The following PTPRJ variants were observed in gnomAD, a reference collection of about 807,000 sequenced individuals.
PTPRJ encodes the protein receptor-type tyrosine-protein phosphatase eta.
Under a neutral mutation model 141.3 loss-of-function variants are expected in PTPRJ, and 129 were observed. The ratio of observed to expected loss-of-function variants is 0.91; its 90% confidence interval spans 0.79 to 1.06. The LOEUF (loss-of-function observed/expected upper bound fraction) is 1.06. Ranked by LOEUF, PTPRJ falls within the 50% of genes least tolerant of loss-of-function variation. PTPRJ has a pLI of 0.00. For missense variants in PTPRJ, 1,601 were observed against 1,679.7 expected (o/e 0.95, Z 0.82); for synonymous variants, 610 against 640.5 (o/e 0.95, Z 0.72).
At chr11:48,165,742 C>A (rs919929793) in intron 24 of PTPRJ, among the ~76,000 whole-genome samples, 1 of 152,100 alleles carries the variant, frequency 6.6e-6, no homozygotes, top group Non-Finnish European at 1.5e-5. Flanking sequence ...ATTTCTCAAT[C>A]TTTTATCCTT....
intron 1 of PTPRJ, among the ~76,000 whole-genome samples, chr11:48,027,645 A>G (rs887415069): frequency 6.6e-6 from 1 of 151,882 alleles, no homozygotes; most frequent in South Asian, 2.1e-4. Flanking sequence ...ACAAAAAATT[A>G]GCTGGGCATG....
intron 22 of PTPRJ, 31 bp downstream of exon 22, chr11:48,160,080 A>G (rs752016817): frequency 6.2e-6 from 10 of 1,607,232 alleles, no homozygotes; most frequent in African/African-American, 1.3e-5. Context: ...AGTTGAGCTC[A>G]TGTAATTACC....
intron 1 of PTPRJ, among the ~76,000 whole-genome samples, chr11:47,985,307 C>T (rs541688760): frequency 9.9e-5 from 15 of 151,862 alleles, no homozygotes; most frequent in Non-Finnish European, 1.8e-4. Flanking sequence ...GCTACCATTC[C>T]TGGCTAATTT....
intron 6 of PTPRJ, among the ~76,000 whole-genome samples, chr11:48,126,293 GCTCTTGGTGGTGTGA>G (rs1184675312): frequency 5.3e-4 from 80 of 152,162 alleles, no homozygotes; most frequent in African/African-American, 1.8e-3. Flanking sequence ...TACATCTCAG[GCTCTTGGTGGTGTGA>G]ATTCACACAC....
chr11:48,115,818 G>T (rs544617050), intron 3 of PTPRJ, among the ~76,000 whole-genome samples: 230 of 152,222 alleles, frequency 1.5e-3, no homozygotes, highest in Non-Finnish European at 2.7e-3. Flanking sequence ...AAGTGTAGAG[G>T]TCAATTTGTG....
intron 1 of PTPRJ, among the ~76,000 whole-genome samples, chr11:48,085,386 C>T (rs765090919): frequency 6.6e-6 from 1 of 151,950 alleles, no homozygotes; most frequent in Non-Finnish European, 1.5e-5. Flanking sequence ...ACCCAGCCAC[C>T]CAGGCTGGAG....
In PTPRJ at chr11:48,018,053, T is replaced by G. The variant is rs115783235; in HGVS notation, c.96+37045T>G. On this transcript the variant is annotated intron_variant, in intron 1 of 24. Transcript: ENST00000418331. ...ATTCATTTCTGATGATAAAAATACT[T>G]TATGCTTATTTATGTGAAACTTGGA... 6.1e-3 allele frequency among the ~76,000 whole-genome samples: 932 copies of G among 152,302 alleles called. 14 individuals carry two copies. Among genetic ancestry groups the G allele is most frequent in the African/African-American group, 0.021 (864 of 41,558 alleles).
chr11:47,985,465 G>C (rs1854025171), intron 1 of PTPRJ, among the ~76,000 whole-genome samples: 1 of 151,986 alleles, frequency 6.6e-6, no homozygotes, highest in Admixed American at 6.6e-5. Context: ...TTTTATCTGA[G>C]AGAAAACTGA....
At chr11:48,045,677 A>C (rs1027813734) in intron 1 of PTPRJ, among the ~76,000 whole-genome samples, 1 of 152,048 alleles carries the variant, frequency 6.6e-6, no homozygotes, top group African/African-American at 2.4e-5. Flanking sequence ...ATTCGAGTAG[A>C]GAAGTTCTGC....
At chr11:48,160,904 A>T (rs1857754416) in intron 22 of PTPRJ, among the ~76,000 whole-genome samples, 1 of 152,096 alleles carries the variant, frequency 6.6e-6, no homozygotes, top group African/African-American at 2.4e-5. Flanking sequence ...ATGATGGCCC[A>T]GGTGCGGTGA....
intron 1 of PTPRJ, among the ~76,000 whole-genome samples, chr11:48,089,990 G>A (rs1855823466): frequency 6.6e-6 from 1 of 152,240 alleles, no homozygotes; most frequent in Non-Finnish European, 1.5e-5. Context: ...GATCCTTAGA[G>A]CACTGCTGCC....
intron 1 of PTPRJ, among the ~76,000 whole-genome samples, chr11:48,067,048 A>G (rs959874355): frequency 6.6e-6 from 1 of 152,230 alleles, no homozygotes; most frequent in African/African-American, 2.4e-5. Context: ...GAATAATGCA[A>G]ATCTTCAGTT....
chr11:48,072,856 C>T (rs1482039989), intron 1 of PTPRJ, among the ~76,000 whole-genome samples: 1 of 152,062 alleles, frequency 6.6e-6, no homozygotes, highest in Non-Finnish European at 1.5e-5. Context: ...CAATGAAGCC[C>T]ATTAAAACCC....
intron 1 of PTPRJ, among the ~76,000 whole-genome samples, chr11:48,038,183 C>T (rs1446315510): frequency 2.0e-5 from 3 of 152,140 alleles, no homozygotes; most frequent in African/African-American, 7.2e-5. Context: ...GCTGCCATTC[C>T]TGCAGTGTAG....
chr11:47,994,937 G>A (rs754677646), intron 1 of PTPRJ, among the ~76,000 whole-genome samples: 6 of 152,050 alleles, frequency 3.9e-5, no homozygotes, highest in Non-Finnish European at 8.8e-5. Context: ...GTGTGAGAGC[G>A]CTCCTTGCTA....
chr11:48,094,939 G>A (rs1260926628), intron 1 of PTPRJ, among the ~76,000 whole-genome samples: 1 of 152,284 alleles, frequency 6.6e-6, no homozygotes, highest in Admixed American at 6.5e-5. Flanking sequence ...TCTTTGCCCA[G>A]CCCTGAGGGG....
intron 1 of PTPRJ, among the ~76,000 whole-genome samples, chr11:48,054,996 G>C (rs1854716618): frequency 6.6e-6 from 1 of 151,856 alleles, no homozygotes; most frequent in African/African-American, 2.4e-5. Flanking sequence ...ACCAGCCTGG[G>C]CAAACATGGT....
intron 1 of PTPRJ, among the ~76,000 whole-genome samples, chr11:48,106,598 G>A (rs1462372876): frequency 6.6e-6 from 1 of 152,050 alleles, no homozygotes; most frequent in Non-Finnish European, 1.5e-5. Context: ...CAGAGAGAGG[G>A]GAAGAGGAGA....
At chr11:48,136,946 C>A in intron 9 of PTPRJ, 57 bp from the exon 10 acceptor site, 1 of 1,466,162 alleles carries the variant, frequency 6.8e-7, no homozygotes, top group South Asian at 1.3e-5. Flanking sequence ...AGTAAATAGT[C>A]CTGGAATTCT....
Sources: gnomAD v4.1 joint callset for allele counts (sites outside exome capture counted in the v4.1 genomes callset) on GRCh38, gnomAD v4.1.1 for gene constraint, MANE v1.5 for transcripts, NCBI Gene and HGNC (gene_info 2026-07-23, HGNC 2026-07-21) for gene names.